The following PCDH15 variants were observed in gnomAD, a reference collection of about 807,000 sequenced individuals.
PCDH15 encodes protocadherin related 15.
PCDH15 carries 129 observed loss-of-function variants against 178.5 expected under a neutral mutation model. The ratio of observed to expected loss-of-function variants is 0.72; its 90% CI spans 0.63 to 0.84. The LOEUF (loss-of-function observed/expected upper bound fraction) is 0.84, where lower values mean the gene tolerates loss of function less well. Among genes scored for constraint, PCDH15 ranks in the 40% least tolerant of loss-of-function variants. PCDH15 has a pLI of 0.00. For missense variants in PCDH15, 2,230 were observed against 2,099.9 expected (o/e 1.06, Z -1.21); for synonymous variants, 800 against 732.0 (o/e 1.09, Z -1.50).
intron 18 of PCDH15, among the ~76,000 whole-genome samples, chr10:54,055,754 AC>A (rs758485894): frequency 4.9e-4 from 74 of 152,238 alleles, no homozygotes; most frequent in Middle Eastern, 3.4e-3. Flanking sequence ...GTAAAAGGCC[AC>A]CTCTTTTTCT....
At chr10:54,761,814 A>C (rs1378220394) in intron 1 of PCDH15, among the ~76,000 whole-genome samples, 6 of 152,298 alleles carry the variant, frequency 3.9e-5, no homozygotes, top group Non-Finnish European at 8.8e-5. Flanking sequence ...AGTCAAACCA[A>C]CCTGTGTCTA....
intron 20 of PCDH15, among the ~76,000 whole-genome samples, chr10:54,010,646 A>T (rs75451353): frequency 0.022 from 3,319 of 151,898 alleles, 105 homozygotes; most frequent in African/African-American, 0.075. Context: ...TGGTGAGAAA[A>T]CCCCAGAGAC....
chr10:54,487,543 T>C (rs967210198), intron 3 of PCDH15, among the ~76,000 whole-genome samples: 1 of 152,086 alleles, frequency 6.6e-6, no homozygotes, highest in Non-Finnish European at 1.5e-5. Context: ...ATTAGCTTTA[T>C]GAGGTTTATT....
In PCDH15 at chr10:54,593,453, T is replaced by C. The variant is rs75918827; in HGVS notation, c.92-65576A>G. The stretch of plus-strand genomic sequence containing the variant: ...ATACCTTTTCCCCAGTGTGTATTCT[T>C]GGTGCCCTTATTGTAGGCTGGTTTA... On this transcript the variant is annotated intron_variant, in intron 2 of 37. Coordinates refer to ENST00000644397, the MANE Select transcript of PCDH15 (RefSeq NM_001384140.1). Among the ~76,000 whole-genome samples, 1,406 of 152,284 alleles carry C rather than the reference T, an allele frequency of 9.2e-3. 26 individuals are homozygous for C. The East Asian group carries it at 0.098, about 11-fold the overall frequency.
chr10:54,542,409 G>C (rs2085345545), intron 2 of PCDH15, among the ~76,000 whole-genome samples: 1 of 152,048 alleles, frequency 6.6e-6, no homozygotes, highest in South Asian at 2.1e-4. Flanking sequence ...CTTATTCCTT[G>C]TCATGAAGAG....
intron 2 of PCDH15, among the ~76,000 whole-genome samples, chr10:55,457,052 T>C (rs1419513130): frequency 6.6e-6 from 1 of 152,008 alleles, no homozygotes; most frequent in South Asian, 2.1e-4. Flanking sequence ...AAATCTAGAA[T>C]TACATGAGCT....
chr10:54,433,220 T>A (rs1449977163), intron 3 of PCDH15, among the ~76,000 whole-genome samples: 1 of 152,008 alleles, frequency 6.6e-6, no homozygotes. Context: ...AAATTTTAGG[T>A]ATAAACACAA....
At chr10:54,033,091 T>G (rs1478429823) in intron 18 of PCDH15, among the ~76,000 whole-genome samples, 1 of 151,922 alleles carries the variant, frequency 6.6e-6, no homozygotes, top group Admixed American at 6.6e-5. Flanking sequence ...AGATTTGGGT[T>G]GGTACACACA....
At chr10:54,558,253 GC>G (rs1460828296) in intron 2 of PCDH15, among the ~76,000 whole-genome samples, 3 of 152,006 alleles carry the variant, frequency 2.0e-5, no homozygotes, top group African/African-American at 7.2e-5. Context: ...TTTATTGTTT[GC>G]TTCAAAAATA....
At chr10:54,270,553 T>A (rs2132480777) in intron 8 of PCDH15, among the ~76,000 whole-genome samples, 1 of 152,318 alleles carries the variant, frequency 6.6e-6, no homozygotes, top group African/African-American at 2.4e-5. Context: ...CTTCAGCGTA[T>A]CCTCATTGTT....
At position 54,751,452 on chromosome 10, in the gene PCDH15, CAAT is replaced by C. The variant is rs565083610; in HGVS notation, c.-29+49470_-29+49472del. Among the ~76,000 whole-genome samples, 4 of 152,198 alleles carry C rather than the reference CAAT, an allele frequency of 2.6e-5. No homozygotes were observed. The South Asian group carries it at 8.3e-4, about 32-fold the overall frequency. On this transcript the variant is annotated intron_variant, in intron 1 of 37. Transcript: ENST00000644397. ...TGGCACCTGCTAAATACATAACTGGCAATAATATCTTGATATTTTCAAATACTC... is the reference window on the plus strand; with the variant it reads ...TGGCACCTGCTAAATACATAACTGGCAATATCTTGATATTTTCAAATACTC...
chr10:55,054,264 G>T (rs1473441437), intron 2 of PCDH15, among the ~76,000 whole-genome samples: 1 of 152,280 alleles, frequency 6.6e-6, no homozygotes, highest in East Asian at 1.9e-4. Context: ...ACTTACAAGT[G>T]AGAATAGGTG....
At chr10:53,934,692 TC>T (rs1197251271) in intron 25 of PCDH15, among the ~76,000 whole-genome samples, 1 of 152,072 alleles carries the variant, frequency 6.6e-6, no homozygotes, top group African/African-American at 2.4e-5. Context: ...TGCTATAAAT[TC>T]CCATTTCTAC....
At chr10:53,910,074 G>T (rs560756476) in intron 25 of PCDH15, among the ~76,000 whole-genome samples, 1 of 152,206 alleles carries the variant, frequency 6.6e-6, no homozygotes, top group Non-Finnish European at 1.5e-5. Flanking sequence ...ACCTCTGGGG[G>T]CAGGGCATAG....
At chr10:55,580,737 A>G (rs1256129858) in intron 2 of PCDH15, among the ~76,000 whole-genome samples, 1 of 152,150 alleles carries the variant, frequency 6.6e-6, no homozygotes, top group African/African-American at 2.4e-5. Context: ...TTCTAATCTA[A>G]TAGGAAAAAT....
At position 54,260,108 on chromosome 10, in the gene PCDH15, C is replaced by T. The variant is rs1438904105; in HGVS notation, c.877-23177G>A. On this transcript the variant is annotated intron_variant, in intron 8 of 37. Transcript: ENST00000644397. Reference sequence around the variant, plus strand: ...ATGTAATGACGGTAATGGTATTTATCGTATGTAAAATAAAACCATAATAAG... The same window carrying T: ...ATGTAATGACGGTAATGGTATTTATTGTATGTAAAATAAAACCATAATAAG... Among the ~76,000 whole-genome samples, 7 of 151,876 alleles carry T rather than the reference C, an allele frequency of 4.6e-5. No homozygotes were observed. The South Asian group carries it at 8.3e-4, about 18-fold the overall frequency.
intron 1 of PCDH15, among the ~76,000 whole-genome samples, chr10:55,188,548 A>G (rs1353939023): frequency 6.6e-6 from 1 of 151,978 alleles, no homozygotes; most frequent in Admixed American, 6.6e-5. Context: ...ACTGGAGTTA[A>G]GAAACTATTT....
chr10:54,075,770 T>C (rs1392250140), intron 17 of PCDH15, among the ~76,000 whole-genome samples: 2 of 152,142 alleles, frequency 1.3e-5, no homozygotes, highest in Non-Finnish European at 1.5e-5. Context: ...TAAGTGAAAG[T>C]TTATTTTTGG....
intron 20 of PCDH15, among the ~76,000 whole-genome samples, chr10:54,002,759 TAATC>T (rs1406626485): frequency 6.6e-6 from 1 of 152,076 alleles, no homozygotes; most frequent in Non-Finnish European, 1.5e-5. Context: ...TTTGAGTTCT[TAATC>T]AATAAAGTGA....
Sources: allele counts gnomAD v4.1 joint callset (sites outside exome capture counted in the v4.1 genomes callset), GRCh38; gene constraint gnomAD v4.1.1; transcripts MANE v1.5; gene names NCBI Gene and HGNC (gene_info 2026-07-23, HGNC 2026-07-21).